The following LAMC3 variants were observed in gnomAD, a reference collection of about 807,000 sequenced individuals.
LAMC3 encodes laminin subunit gamma 3, also known as laminin subunit gamma-3.
A neutral mutation model predicts 173.8 loss-of-function variants in LAMC3; 128 were observed. That is an observed-to-expected ratio of 0.74 (90% CI 0.64 to 0.85). The LOEUF (loss-of-function observed/expected upper bound fraction) is 0.85, where lower values mean the gene tolerates loss of function less well. Ranked by LOEUF, LAMC3 falls within the 40% of genes least tolerant of loss-of-function variation. The pLI is 0.00. For synonymous variants in LAMC3, 897 were observed against 909.1 expected, an observed-to-expected ratio of 0.99 and a Z score of 0.24; for missense variants, 2,022 against 2,156.0, an observed-to-expected ratio of 0.94 and a Z score of 1.23.
intron 21 of LAMC3, among the ~76,000 whole-genome samples, chr9:131,076,621 A>G (rs1830132743): frequency 6.6e-6 from 1 of 152,178 alleles, no homozygotes. Flanking sequence ...CACCCCAGCA[A>G]TGCCCTTGTC....
intron 2 of LAMC3, among the ~76,000 whole-genome samples, chr9:131,027,396 G>A (rs1270309610): frequency 6.6e-6 from 1 of 152,158 alleles, no homozygotes. Context: ...GTGTCTCCAA[G>A]GGCTCCTATG....
intron 7 of LAMC3, 151 bp downstream of exon 7, chr9:131,041,886 AT>A (rs1166094141): frequency 2.8e-6 from 2 of 711,932 alleles, no homozygotes; most frequent in African/African-American, 3.5e-5. Context: ...CTGGGGCACC[AT>A]GTATCTGTCA....
chr9:131,090,224 C>G (rs780290748), intron 27 of LAMC3, among the ~76,000 whole-genome samples: 12 of 152,164 alleles, frequency 7.9e-5, no homozygotes, highest in Non-Finnish European at 1.5e-4. Context: ...AAGGCCCTGT[C>G]GTGGAGCAGA....
chr9:131,086,574 A>ATTTTTTTTTTTTTTTT (rs1564157417), intron 25 of LAMC3, among the ~76,000 whole-genome samples: 1 of 22,054 alleles, frequency 4.5e-5, no homozygotes, highest in African/African-American at 3.8e-4. Context: ...TGCCTGGCTA[A>ATTTTTTTTTTTTTTTT]CTTTTTTTTT....
At position 131,068,273 on chromosome 9, in the gene LAMC3, G is replaced by A. The variant is rs1393476019; in HGVS notation, c.2747+42G>A. 9 of 1,588,036 alleles carry A rather than the reference G, an allele frequency of 5.7e-6. No homozygotes were observed. In the African/African-American group the frequency reaches 8.1e-5, roughly 14 times the overall value. On this transcript the variant is annotated intron_variant, in intron 15 of 27. Coordinates refer to ENST00000361069, the MANE Select transcript of LAMC3 (RefSeq NM_006059.4). ...TGCCGGTGCCCTGGGGACCTCTCCA[G>A]GAGGGAAGAAGGCATCGGGCAGCCC...
At chr9:131,024,829 G>A (rs1236363130) in intron 1 of LAMC3, among the ~76,000 whole-genome samples, 1 of 152,156 alleles carries the variant, frequency 6.6e-6, no homozygotes, top group African/African-American at 2.4e-5. Flanking sequence ...CCAGTGTGGG[G>A]AGCCACCGCT....
chr9:131,079,699 A>C (rs900534639), intron 23 of LAMC3, among the ~76,000 whole-genome samples: 1 of 152,088 alleles, frequency 6.6e-6, no homozygotes, highest in Non-Finnish European at 1.5e-5. Flanking sequence ...TCTCAAAAAA[A>C]AGAAAAAAGA....
chr9:131,051,609 C>A (rs985694156), intron 9 of LAMC3, among the ~76,000 whole-genome samples: 1 of 152,070 alleles, frequency 6.6e-6, no homozygotes, highest in African/African-American at 2.4e-5. Flanking sequence ...GTGATCCACT[C>A]GCCTCAGCCT....
chr9:131,061,079 C>A lies in LAMC3; in HGVS notation c.2203C>A (p.Arg735Ser), dbSNP rs148285765. Residue 735 changes from arginine (R) to serine (S), a missense_variant, in exon 13 of 28, where the codon CGC (arginine) becomes AGC (serine). Arg to Ser is a moderately radical substitution (Grantham distance 110). Transcript: ENST00000361069. ...SHHTEGPSCE[R>S]CLPGFYGNPF... is the part of the protein sequence containing the mutation. The stretch of plus-strand genomic sequence containing the variant: ...CCATACCGAGGGCCCATCCTGTGAA[C>A]GCTGTTTGCCAGGTTTCTATGGCAA... The A allele has an allele frequency of 1.2e-6, 2 of 1,614,176 alleles. No homozygotes were observed. The highest frequency in any genetic ancestry group is 2.7e-5 in the African/African-American group (2 of 75,056).
chr9:131,028,773 A>G (rs1298044962), intron 2 of LAMC3, among the ~76,000 whole-genome samples: 1 of 152,230 alleles, frequency 6.6e-6, no homozygotes, highest in African/African-American at 2.4e-5. Context: ...CCCCAGAGCC[A>G]CATGTGACAG....
intron 23 of LAMC3, among the ~76,000 whole-genome samples, chr9:131,081,442 C>CTT: frequency 8.1e-6 from 1 of 124,118 alleles, no homozygotes; most frequent in African/African-American, 2.9e-5. Context: ...GTGTTCCCTC[C>CTT]CTCCCTCCCT....
rs192428283 is a variant in LAMC3, at chr9:131,036,876, C to T, written c.976+544C>T. Among the ~76,000 whole-genome samples, 215 of 152,348 alleles carry T rather than the reference C, an allele frequency of 1.4e-3. 1 individual carries two copies. Among genetic ancestry groups the T allele is most frequent in the African/African-American group, 5.1e-3 (212 of 41,580 alleles). On this transcript the variant is annotated intron_variant, in intron 4 of 27. Transcript: ENST00000361069. ...TCTGGCTGGGGCACTGGCTGCAAGC[C>T]CCACCCTGTCCCCAGACAGCCTGGT...
At position 131,092,144 on chromosome 9, in the gene LAMC3, A is replaced by C; in HGVS notation, c.*357A>C. On this transcript the variant is annotated 3_prime_UTR_variant, in exon 28 of 28. Coordinates refer to ENST00000361069, the MANE Select transcript of LAMC3 (RefSeq NM_006059.4). The stretch of plus-strand genomic sequence containing the variant: ...AGTCAGCAGCTTACGGTCCACACAC[A>C]TTACAGTCCACAGCTGTTGTGAGAG... 1 of 344,004 alleles carries C rather than the reference A, an allele frequency of 2.9e-6. No homozygotes were observed. Among genetic ancestry groups the C allele is most frequent in the Non-Finnish European group, 5.6e-6 (1 of 179,316 alleles). 21.3% of individuals were successfully genotyped at this position (344,004 alleles called of 1,614,324 possible).
chr9:131,031,907 C>G (rs1833830898), intron 2 of LAMC3, 138 bp from the exon 3 acceptor site: 1 of 1,466,130 alleles, frequency 6.8e-7, no homozygotes, highest in South Asian at 1.1e-5. Context: ...GCAGTGTTCT[C>G]AGAATTGGCC....
intron 1 of LAMC3, among the ~76,000 whole-genome samples, chr9:131,016,283 CAG>C (rs750228900): frequency 8.6e-5 from 13 of 151,938 alleles, no homozygotes; most frequent in Non-Finnish European, 1.5e-4. Context: ...TTCATGGGGA[CAG>C]AGTTTCAGTT....
intron 1 of LAMC3, among the ~76,000 whole-genome samples, chr9:131,014,545 C>T (rs1004369433): frequency 2.0e-4 from 30 of 152,246 alleles, no homozygotes; most frequent in African/African-American, 6.3e-4. Context: ...GGTCTGTTTA[C>T]GTCCATCCCT....
At chr9:131,077,604 G>A (rs367870135) in intron 22 of LAMC3, among the ~76,000 whole-genome samples, 2 of 137,758 alleles carry the variant, frequency 1.5e-5, no homozygotes, top group African/African-American at 5.4e-5. Context: ...TTGAACCTGG[G>A]AGGCAGAGGC....
chr9:131,079,055 C>G (rs1830186696), intron 22 of LAMC3, 94 bp from the exon 23 acceptor site: 1 of 1,488,598 alleles, frequency 6.7e-7, no homozygotes, highest in African/African-American at 1.4e-5. Context: ...GGCAGACCCG[C>G]CGCCTCAGCC....
intron 17 of LAMC3, 88 bp from the exon 18 acceptor site, chr9:131,071,396 A>AG: frequency 6.7e-7 from 1 of 1,485,184 alleles, no homozygotes; most frequent in South Asian, 1.2e-5. Flanking sequence ...ACCCCCAGGG[A>AG]GAGTGGCAGG....
Sources: gnomAD v4.1 joint callset for allele counts (sites outside exome capture counted in the v4.1 genomes callset) on GRCh38, gnomAD v4.1.1 for gene constraint, MANE v1.5 for transcripts, NCBI Gene and HGNC (gene_info 2026-07-23, HGNC 2026-07-21) for gene names.